Variants in TMEM238 observed in about 807,000 individuals in gnomAD.
TMEM238 encodes the protein transmembrane protein 238.
For synonymous variants in TMEM238, 103 were observed against 111.5 expected, an observed-to-expected ratio of 0.92 and a Z score of 0.48; for missense variants, 169 against 206.8, an observed-to-expected ratio of 0.82 and a Z score of 1.12.
intron 1 of TMEM238, among the ~76,000 whole-genome samples, chr19:55,381,017 C>G (rs2089884675): frequency 6.6e-6 from 1 of 152,178 alleles, no homozygotes; most frequent in Non-Finnish European, 1.5e-5. Context: ...CTTTCTTACC[C>G]CAGTTCCTTC....
At chr19:55,380,286 TC>T (rs770269662) in intron 1 of TMEM238, among the ~76,000 whole-genome samples, 1 of 15,446 alleles carries the variant, frequency 6.5e-5, no homozygotes, top group African/African-American at 2.7e-4. Context: ...TCCCCTCCCC[TC>T]CCCCCTTCCC....
In TMEM238 at chr19:55,384,171, CCGGCCGCGGGTGCTGGCG is replaced by C. The variant is rs2089899286; in HGVS notation, c.71_88del (p.Ala24_Ala29del). ...CAGCGCCATCCGGCAGCGGCCCAGG[CCGGCCGCGGGTGCTGGCG>C]CGGCCGCCGGCGCGGACGGTGCACC... On this transcript the variant is annotated inframe_deletion, in exon 1 of 2. Transcript: ENST00000444469. This position sits in a 1 kb window ranked among gnomAD's most constrained non-coding sequence, Gnocchi z 5.6. 5 of 1,222,056 alleles carry C rather than the reference CCGGCCGCGGGTGCTGGCG, an allele frequency of 4.1e-6. No individual in the cohort carries two copies. Among genetic ancestry groups the C allele is most frequent in the Admixed American group, 4.2e-5 (1 of 23,678 alleles). The allele number at this position is 1,222,056 out of a possible 1,614,324, so 75.7% of individuals were successfully genotyped here.
Sources: allele counts gnomAD v4.1 joint callset (sites outside exome capture counted in the v4.1 genomes callset), GRCh38; gene constraint gnomAD v4.1.1; non-coding constraint Gnocchi (gnomAD v3.1); transcripts MANE v1.5; gene names NCBI Gene and HGNC (gene_info 2026-07-23, HGNC 2026-07-21).